The following MGRN1 variants were observed in gnomAD, a reference collection of about 807,000 sequenced individuals.
MGRN1 encodes the protein E3 ubiquitin-protein ligase MGRN1.
In MGRN1, 29 loss-of-function variants were observed where a neutral mutation model predicts 69.2. That is an observed-to-expected ratio of 0.42 (90% CI 0.31 to 0.57). MGRN1 has a LOEUF of 0.57. MGRN1 is among the 20% of genes least tolerant of loss of function. The pLI is 0.15. For synonymous variants in MGRN1, 470 were observed against 344.2 expected (o/e 1.37, Z -4.04); for missense variants, 998 against 796.2 (o/e 1.25, Z -3.05).
intron 13 of MGRN1, among the ~76,000 whole-genome samples, chr16:4,682,504 G>A (rs2079210176): frequency 1.3e-5 from 2 of 152,190 alleles, no homozygotes; most frequent in African/African-American, 2.4e-5. Context: ...TCAGAGAAAC[G>A]GGGGCCTCTG....
At chr16:4,651,492 G>A (rs1354625692) in intron 2 of MGRN1, among the ~76,000 whole-genome samples, 1 of 152,234 alleles carries the variant, frequency 6.6e-6, no homozygotes, top group African/African-American at 2.4e-5. Flanking sequence ...AAGGCAGGGG[G>A]CCTGGGAACA....
chr16:4,681,347 C>T, intron 12 of MGRN1: 1 of 573,090 alleles, frequency 1.7e-6, no homozygotes, highest in East Asian at 3.0e-5. Flanking sequence ...CCAGCGTGGG[C>T]ATTTGGGCAT....
At chr16:4,670,563 AAG>A (rs2078916406) in intron 8 of MGRN1, among the ~76,000 whole-genome samples, 1 of 152,230 alleles carries the variant, frequency 6.6e-6, no homozygotes, top group Admixed American at 6.5e-5. Context: ...AGCTTTTTAG[AAG>A]AGAGTTTGTC....
chr16:4,655,792 T>C (rs1227974134), intron 4 of MGRN1, among the ~76,000 whole-genome samples: 3 of 152,258 alleles, frequency 2.0e-5, no homozygotes, highest in Non-Finnish European at 4.4e-5. Context: ...CTCCATCCAT[T>C]TGAGCTGCAG....
intron 5 of MGRN1, among the ~76,000 whole-genome samples, chr16:4,657,592 C>T (rs922942897): frequency 7.9e-5 from 12 of 152,268 alleles, no homozygotes; most frequent in Non-Finnish European, 1.5e-4. Context: ...CAGCCGCACT[C>T]GGAGGCTCAG....
At chr16:4,653,940 CG>C (rs1383599634) in intron 4 of MGRN1, among the ~76,000 whole-genome samples, 2 of 151,980 alleles carry the variant, frequency 1.3e-5, no homozygotes, top group Non-Finnish European at 2.9e-5. Flanking sequence ...TTAGTAGAGA[CG>C]GGGTTTCATC....
intron 10 of MGRN1, among the ~76,000 whole-genome samples, chr16:4,674,905 G>A (rs959121907): frequency 6.6e-6 from 1 of 151,752 alleles, no homozygotes; most frequent in Non-Finnish European, 1.5e-5. Context: ...CTCCCAAAGT[G>A]CTGGGATTAC....
At chr16:4,653,270 A>G (rs998197775) in intron 4 of MGRN1, among the ~76,000 whole-genome samples, 1 of 152,152 alleles carries the variant, frequency 6.6e-6, no homozygotes, top group Admixed American at 6.5e-5. Context: ...AAGGATTCAG[A>G]TGAAGAGGTT....
At chr16:4,667,120 C>G (rs898018741) in intron 7 of MGRN1, among the ~76,000 whole-genome samples, 2 of 152,220 alleles carry the variant, frequency 1.3e-5, no homozygotes, top group Admixed American at 1.3e-4. Flanking sequence ...CAAGGCCCAG[C>G]CTGCCTGCTG....
intron 5 of MGRN1, among the ~76,000 whole-genome samples, chr16:4,657,943 C>G (rs565387513): frequency 1.3e-5 from 2 of 151,036 alleles, no homozygotes; most frequent in Non-Finnish European, 2.9e-5. Context: ...GGGGTTTCAC[C>G]GTGTTAGCCA....
intron 1 of MGRN1, among the ~76,000 whole-genome samples, chr16:4,646,126 A>C (rs868642892): frequency 6.6e-6 from 1 of 151,934 alleles, no homozygotes; most frequent in African/African-American, 2.4e-5. Context: ...CTGGCTCACC[A>C]TCACTCGTGA....
chr16:4,674,353 G>A (rs12599757), intron 10 of MGRN1, among the ~76,000 whole-genome samples: 71,268 of 151,460 alleles, frequency 0.47, 17,005 homozygotes, highest in East Asian at 0.65. Flanking sequence ...CAGTGTTGCA[G>A]TCTCGGCTCA....
At chr16:4,677,978 G>A (rs796634724) in intron 11 of MGRN1, among the ~76,000 whole-genome samples, 11 of 151,910 alleles carry the variant, frequency 7.2e-5, no homozygotes, top group South Asian at 6.2e-4. Flanking sequence ...CTCCCAAGAC[G>A]CTGTGACCAC....
chr16:4,658,796 G>A (rs1235057334), intron 5 of MGRN1: 1 of 152,240 alleles, frequency 6.6e-6, no homozygotes, highest in African/African-American at 2.4e-5. Context: ...TTTGAGGCCA[G>A]GAGTCTGAGA....
At chr16:4,652,850 G>T (rs370923582) in intron 4 of MGRN1, 26 bp downstream of exon 4, 1 of 1,571,246 alleles carries the variant, frequency 6.4e-7, no homozygotes, top group South Asian at 1.2e-5. Context: ...GGCTGGCACC[G>T]GCCTGGCTGG....
At chr16:4,662,561 C>T (rs111926124) in intron 5 of MGRN1, among the ~76,000 whole-genome samples, 4 of 152,012 alleles carry the variant, frequency 2.6e-5, no homozygotes, top group African/African-American at 9.7e-5. Flanking sequence ...ACAACTGTAG[C>T]AGCCACCACA....
At chr16:4,681,503 C>G in intron 12 of MGRN1, 47 bp from the exon 13 acceptor site, 1 of 1,545,742 alleles carries the variant, frequency 6.5e-7, no homozygotes, top group Non-Finnish European at 8.8e-7. Flanking sequence ...GTCTGGGGAG[C>G]AGGTGGTCCC....
chr16:4,629,982 T>G (rs554495037), intron 1 of MGRN1, among the ~76,000 whole-genome samples: 49 of 143,204 alleles, frequency 3.4e-4, no homozygotes, highest in African/African-American at 1.2e-3. Flanking sequence ...GGAGGTGGAG[T>G]TGGGTTGCAG....
intron 5 of MGRN1, among the ~76,000 whole-genome samples, chr16:4,662,171 G>A (rs763869937): frequency 2.6e-5 from 4 of 152,064 alleles, no homozygotes; most frequent in East Asian, 1.9e-4. Context: ...TAGGAAATTC[G>A]CTGTGTTGAC....
Sources: gnomAD v4.1 joint callset for allele counts (sites outside exome capture counted in the v4.1 genomes callset) on GRCh38, gnomAD v4.1.1 for gene constraint, MANE v1.5 for transcripts, NCBI Gene and HGNC (gene_info 2026-07-23, HGNC 2026-07-21) for gene names.